Variants in LCOR observed in about 807,000 individuals in gnomAD.
LCOR encodes ligand dependent nuclear receptor corepressor.
Under a neutral mutation model 64.4 loss-of-function variants are expected in LCOR, and 14 were observed. The ratio of observed to expected loss-of-function variants is 0.22; its 90% confidence interval spans 0.14 to 0.34. The LOEUF (loss-of-function observed/expected upper bound fraction) is 0.34, where lower values mean the gene tolerates loss of function less well. Ranked by LOEUF, LCOR falls within the 10% of genes least tolerant of loss-of-function variation. The probability of loss-of-function intolerance (pLI) is 1.00; values close to 1 mark genes in which losing one functional copy is unlikely to be tolerated. For synonymous variants in LCOR, 643 were observed against 642.5 expected, an observed-to-expected ratio of 1.00 and a Z score of -0.01; for missense variants, 1,686 against 1,765.3, an observed-to-expected ratio of 0.96 and a Z score of 0.80.
Position 96,992,241 on chromosome 10 carries a change from ATAAT to A in LCOR, c.*7108_*7111del, listed in dbSNP as rs1359157001. 2.6e-5 allele frequency: 4 copies of A among 152,116 alleles called. No individual in the cohort carries two copies. Among genetic ancestry groups the A allele is most frequent in the Non-Finnish European group, 5.9e-5 (4 of 68,046 alleles). 9.4% of individuals were successfully genotyped at this position (152,116 alleles called of 1,614,324 possible). On this transcript the variant is annotated 3_prime_UTR_variant, in exon 8 of 8. Transcript: ENST00000421806. ...AGTAACTGGTTTCAAATACATATAT[ATAAT>A]ATTTATACACACCACTGTGGAATTT...
chr10:96,939,365 T>C (rs1847407829), intron 4 of LCOR, among the ~76,000 whole-genome samples: 1 of 152,206 alleles, frequency 6.6e-6, no homozygotes, highest in Admixed American at 6.5e-5. Flanking sequence ...ACATGTATTA[T>C]AGACCTAAAA....
Position 96,989,746 on chromosome 10 carries a change from C to T in LCOR, c.*4612C>T, listed in dbSNP as rs1848183189. ...ATAGAGACGAGGTTACGCTATGTTG[C>T]CGAGGCTGATCTGAAACTCCTGGCC... On this transcript the variant is annotated 3_prime_UTR_variant, in exon 8 of 8. Transcript: ENST00000421806. The T allele has an allele frequency of 7.6e-6, 1 of 131,792 alleles. No homozygotes were observed. Among genetic ancestry groups the T allele is most frequent in the African/African-American group, 3.0e-5 (1 of 33,470 alleles). The allele number at this position is 131,792 out of a possible 1,614,324, so 8.2% of individuals were successfully genotyped here.
At chr10:96,974,911 G>A (rs1240598903) in intron 7 of LCOR, among the ~76,000 whole-genome samples, 1 of 152,236 alleles carries the variant, frequency 6.6e-6, no homozygotes, top group Non-Finnish European at 1.5e-5. Flanking sequence ...GCTCACACCT[G>A]TAATCCCAGC....
rs1051131467 is a variant in LCOR at position 96,995,428 on chromosome 10, C to G, written c.*10294C>G. ...GGAAGATCAGTCTGTAGCTCTTGGG[C>G]CTGGATTTCTACTATGTTAGTGAGT... On this transcript the variant is annotated 3_prime_UTR_variant, in exon 8 of 8. Coordinates refer to ENST00000421806, the MANE Select transcript of LCOR (RefSeq NM_001346516.2). The surrounding 1 kb of genome is among the most constrained non-coding windows in gnomAD (Gnocchi z 4.2). 7.2e-5 allele frequency: 11 copies of G among 152,062 alleles called. No individual in the cohort carries two copies. The highest frequency in any genetic ancestry group is 2.7e-4 in the African/African-American group (11 of 41,394). The allele number at this position is 152,062 out of a possible 1,614,324, so 9.4% of individuals were successfully genotyped here.
chr10:96,848,424 G>A (rs12256424), intron 2 of LCOR, among the ~76,000 whole-genome samples: 21,447 of 152,196 alleles, frequency 0.14, 2,080 homozygotes, highest in African/African-American at 0.27. Context: ...TTGGGAGGCC[G>A]AGGCAGGTGG....
chr10:96,862,468 A>G (rs1317179724), intron 2 of LCOR, among the ~76,000 whole-genome samples: 1 of 151,944 alleles, frequency 6.6e-6, no homozygotes, highest in African/African-American at 2.4e-5. Context: ...GTTTCACCAT[A>G]TTACCCAGGC....
chr10:96,973,068 T>A (rs1291728208), intron 7 of LCOR, among the ~76,000 whole-genome samples: 1 of 152,200 alleles, frequency 6.6e-6, no homozygotes, highest in Non-Finnish European at 1.5e-5. Context: ...GGAAAGGGGA[T>A]AATTTAACCC....
intron 2 of LCOR, among the ~76,000 whole-genome samples, chr10:96,842,980 G>A (rs1845567239): frequency 6.6e-6 from 1 of 152,182 alleles, no homozygotes. Flanking sequence ...TGTAGAGGAA[G>A]CGAATGTTGA....
At chr10:96,834,532 A>T (rs1845408140) in intron 2 of LCOR, among the ~76,000 whole-genome samples, 1 of 152,194 alleles carries the variant, frequency 6.6e-6, no homozygotes, top group Non-Finnish European at 1.5e-5. Context: ...CTATCATAGA[A>T]GAGAGCATAT....
chr10:96,969,815 T>C (rs1398622894), intron 7 of LCOR, among the ~76,000 whole-genome samples: 1 of 148,704 alleles, frequency 6.7e-6, no homozygotes, highest in African/African-American at 2.5e-5. Context: ...AGTCTCGCTC[T>C]GTTGCCCAGG....
chr10:96,957,178 A>G, intron 7 of LCOR: 4 of 984,370 alleles, frequency 4.1e-6, no homozygotes, highest in Non-Finnish European at 4.8e-6. Context: ...TTTTTTTTTA[A>G]GTTTTTATTT....
chr10:96,969,755 TTTTC>T (rs1288020927), intron 7 of LCOR, among the ~76,000 whole-genome samples: 3 of 147,172 alleles, frequency 2.0e-5, no homozygotes, highest in African/African-American at 5.3e-5. Context: ...ATTTCAACAA[TTTTC>T]TTTCTTTTTT....
At chr10:96,948,161 T>A (rs183586710) in intron 5 of LCOR, among the ~76,000 whole-genome samples, 24 of 152,306 alleles carry the variant, frequency 1.6e-4, no homozygotes, top group Admixed American at 1.4e-3. Context: ...AGTTAATGAG[T>A]TCTTATGGTT....
chr10:96,832,590 C>T (rs1023453827), intron 1 of LCOR, among the ~76,000 whole-genome samples, 191 bp downstream of exon 1: 1 of 144,182 alleles, frequency 6.9e-6, no homozygotes, highest in Non-Finnish European at 1.5e-5. Flanking sequence ...CCCTGCTCGG[C>T]CGAGCGCGCG....
chr10:96,936,537 A>C (rs1847353723), intron 4 of LCOR, among the ~76,000 whole-genome samples: 2 of 152,258 alleles, frequency 1.3e-5, no homozygotes, highest in Non-Finnish European at 2.9e-5. Context: ...CAAATGAAAT[A>C]TAGGAAGTCA....
At chr10:96,933,050 G>A (rs1847290206) in intron 4 of LCOR, among the ~76,000 whole-genome samples, 5 of 152,272 alleles carry the variant, frequency 3.3e-5, no homozygotes, top group Admixed American at 1.3e-4. Context: ...ATTAAGATAA[G>A]TGTTTTTGAA....
intron 5 of LCOR, among the ~76,000 whole-genome samples, chr10:96,946,351 T>C (rs928841257): frequency 6.6e-6 from 1 of 152,072 alleles, no homozygotes; most frequent in Non-Finnish European, 1.5e-5. Context: ...GGATTATGTA[T>C]AGTTAAGTAG....
chr10:96,907,713 G>T lies in LCOR; in HGVS notation c.-218G>T. On this transcript the variant is annotated 5_prime_UTR_variant, in exon 4 of 8. Coordinates refer to ENST00000421806, the MANE Select transcript of LCOR (RefSeq NM_001346516.2). ...TCTGATTGGACTTTTGATGAAAACT[G>T]TTTATTCTGTTGCTTGAGAAGAGAT... 1.0e-6 allele frequency: 1 copy of T among 984,226 alleles called. No individual in the cohort carries two copies. The highest frequency in any genetic ancestry group is 1.2e-6 in the Non-Finnish European group (1 of 828,518). 61.0% of individuals were successfully genotyped at this position (984,226 alleles called of 1,614,324 possible).
In LCOR at chr10:96,991,798, C is replaced by G. The variant is rs886401498; in HGVS notation, c.*6664C>G. On this transcript the variant is annotated 3_prime_UTR_variant, in exon 8 of 8. Transcript: ENST00000421806. ...CGTTCTGAGGAGCCATCCTTGGCAC[C>G]TTGCCCTCCCTCCTCCTGCCTCTGC... is the stretch of plus-strand genomic sequence containing the variant. 6.6e-6 allele frequency: 1 copy of G among 152,268 alleles called. No homozygotes were observed. Among genetic ancestry groups the G allele is most frequent in the Admixed American group, 6.5e-5 (1 of 15,278 alleles). The allele number at this position is 152,268 out of a possible 1,614,324, so 9.4% of individuals were successfully genotyped here.
Sources: allele counts gnomAD v4.1 joint callset (sites outside exome capture counted in the v4.1 genomes callset), GRCh38; gene constraint gnomAD v4.1.1; non-coding constraint Gnocchi (gnomAD v3.1); transcripts MANE v1.5; gene names NCBI Gene and HGNC (gene_info 2026-07-23, HGNC 2026-07-21).